GASK1A: variants seen among roughly 807,000 people sequenced by gnomAD.
The protein encoded by GASK1A is Golgi-associated kinase 1A.
GASK1A carries 40 observed loss-of-function variants against 41.2 expected under a neutral mutation model. The observed-to-expected ratio is 0.97, with a 90% confidence interval of 0.75 to 1.27. GASK1A has a LOEUF of 1.27. Among genes scored for constraint, GASK1A ranks in the 50% most tolerant of loss-of-function variants. The pLI is 0.00. For missense variants in GASK1A, 678 were observed against 745.1 expected (o/e 0.91, Z 1.05); for synonymous variants, 316 against 307.1 (o/e 1.03, Z -0.30).
chr3:42,992,088 T>C (rs1010841873), intron 1 of GASK1A, among the ~76,000 whole-genome samples: 6 of 144,240 alleles, frequency 4.2e-5, no homozygotes, highest in Non-Finnish European at 9.0e-5. Flanking sequence ...CTAGTTAAAA[T>C]CCCCTCATCT....
chr3:43,004,636 T>C (rs1346593892), intron 1 of GASK1A, among the ~76,000 whole-genome samples: 1 of 152,182 alleles, frequency 6.6e-6, no homozygotes, highest in Non-Finnish European at 1.5e-5. Context: ...CTCCCCTCTA[T>C]GGAAGATGAG....
Position 43,053,736 on chromosome 3 carries a change from T to TCAGA in GASK1A, c.1413+93_1413+94insCAGA, listed in dbSNP as rs1325396988. The TCAGA allele has an allele frequency of 9.3e-6, 13 of 1,405,022 alleles. No homozygotes were observed. In the African/African-American group the frequency reaches 1.9e-4, roughly 20 times the overall value. 87.0% of individuals were successfully genotyped at this position (1,405,022 alleles called of 1,614,324 possible). ...CTGTTAACAAGTTTCAGAGATCAGT[T>TCAGA]GATGCTGGGGTTTCCCAGTCTTGTT... On this transcript the variant is annotated intron_variant, in intron 3 of 4. Coordinates refer to ENST00000430121, the MANE Select transcript of GASK1A (RefSeq NM_001129908.3).
At chr3:43,022,254 G>T (rs967069596) in intron 1 of GASK1A, among the ~76,000 whole-genome samples, 1 of 152,020 alleles carries the variant, frequency 6.6e-6, no homozygotes, top group South Asian at 2.1e-4. Flanking sequence ...TTTTCCCAAA[G>T]CTTTACTTGG....
At chr3:43,025,502 G>A (rs186002589) in intron 1 of GASK1A, among the ~76,000 whole-genome samples, 55 of 152,274 alleles carry the variant, frequency 3.6e-4, no homozygotes, top group African/African-American at 1.3e-3. Context: ...TTCACTCTTA[G>A]AAGTCTAACT....
Position 43,035,931 on chromosome 3 carries a change from G to A in GASK1A, c.1290+2378G>A, listed in dbSNP as rs138875246. On this transcript the variant is annotated intron_variant, in intron 2 of 4. Coordinates refer to ENST00000430121, the MANE Select transcript of GASK1A (RefSeq NM_001129908.3). ...GCAGCCTGGATGGTCTGACTCTAGA[G>A]CTCACTCTCTGAATCACAGTCATTC... Among the ~76,000 whole-genome samples, 420 of 152,324 alleles carry A rather than the reference G, an allele frequency of 2.8e-3. 4 individuals carry two copies. The highest frequency in any genetic ancestry group is 9.5e-3 in the African/African-American group (393 of 41,558).
chr3:43,001,182 G>A (rs2089406810), intron 1 of GASK1A, among the ~76,000 whole-genome samples: 1 of 152,206 alleles, frequency 6.6e-6, no homozygotes, highest in Non-Finnish European at 1.5e-5. Context: ...ACCCTGAGCA[G>A]GGCGCAGACA....
chr3:42,992,942 T>C lies in GASK1A; in HGVS notation c.3+13297T>C, dbSNP rs540576194. Among the ~76,000 whole-genome samples the C allele has an allele frequency of 3.1e-4, 47 of 152,368 alleles. No individual in the cohort carries two copies. The South Asian group carries it at 9.5e-3, about 31-fold the overall frequency. On this transcript the variant is annotated intron_variant, in intron 1 of 4. Transcript: ENST00000430121. ...CAGAAACAGTGAGATTGGTTACAGCTTGGCGTTTGCCTTATTTGAGCAGTT... is the reference window on the plus strand; with the variant it reads ...CAGAAACAGTGAGATTGGTTACAGCCTGGCGTTTGCCTTATTTGAGCAGTT...
intron 2 of GASK1A, among the ~76,000 whole-genome samples, chr3:43,053,043 C>T (rs950876247): frequency 6.6e-6 from 1 of 152,212 alleles, no homozygotes; most frequent in Non-Finnish European, 1.5e-5. Context: ...CTTTCCCTGG[C>T]TTGATTCAGG....
chr3:43,018,730 A>C (rs934538349), intron 1 of GASK1A, among the ~76,000 whole-genome samples: 2 of 152,246 alleles, frequency 1.3e-5, no homozygotes, highest in Non-Finnish European at 1.5e-5. Context: ...GTCCTGATAG[A>C]AAAAGGTTGC....
intron 2 of GASK1A, among the ~76,000 whole-genome samples, chr3:43,042,891 G>A (rs1242651348): frequency 6.6e-6 from 1 of 152,146 alleles, no homozygotes; most frequent in Non-Finnish European, 1.5e-5. Context: ...GAGCTTCCAG[G>A]GAAGATGCCA....
At chr3:43,000,312 T>G (rs927475395) in intron 1 of GASK1A, among the ~76,000 whole-genome samples, 1 of 152,250 alleles carries the variant, frequency 6.6e-6, no homozygotes, top group African/African-American at 2.4e-5. Context: ...AAGTAACTGC[T>G]GTGTTCTACC....
intron 2 of GASK1A, among the ~76,000 whole-genome samples, chr3:43,034,417 T>C (rs553909459): frequency 1.3e-5 from 2 of 152,320 alleles, no homozygotes; most frequent in Admixed American, 1.3e-4. Context: ...TTTACTAACT[T>C]GTCTGTTAAC....
intron 2 of GASK1A, among the ~76,000 whole-genome samples, chr3:43,052,239 A>G (rs185663341): frequency 2.0e-5 from 3 of 152,226 alleles, no homozygotes; most frequent in African/African-American, 7.2e-5. Context: ...CTTGCCCCAC[A>G]CCAAACCTGA....
intron 2 of GASK1A, among the ~76,000 whole-genome samples, chr3:43,046,692 G>A (rs1245119205): frequency 6.6e-6 from 1 of 152,172 alleles, no homozygotes; most frequent in Non-Finnish European, 1.5e-5. Flanking sequence ...ATGTTTCCAG[G>A]GCATGTCAGA....
intron 1 of GASK1A, among the ~76,000 whole-genome samples, chr3:43,009,100 G>A (rs1012884002): frequency 1.1e-4 from 16 of 152,104 alleles, no homozygotes; most frequent in African/African-American, 3.4e-4. Flanking sequence ...TTTGAGGGAG[G>A]AACCATTTTC....
intron 3 of GASK1A, chr3:43,053,962 T>C: frequency 2.4e-6 from 1 of 412,990 alleles, no homozygotes. Flanking sequence ...ATGGTGTGTC[T>C]AGTCAACATC....
intron 1 of GASK1A, among the ~76,000 whole-genome samples, chr3:43,011,184 T>C (rs905491236): frequency 3.3e-5 from 5 of 151,964 alleles, no homozygotes; most frequent in East Asian, 3.9e-4. Flanking sequence ...GAGATCAAGA[T>C]CATCCTGGCC....
chr3:43,002,661 C>T (rs1437197274), intron 1 of GASK1A, among the ~76,000 whole-genome samples: 1 of 152,066 alleles, frequency 6.6e-6, no homozygotes, highest in Non-Finnish European at 1.5e-5. Flanking sequence ...ACTAAAATAT[C>T]TCATTAATAG....
chr3:42,985,280 G>A (rs901853007), intron 1 of GASK1A, among the ~76,000 whole-genome samples: 1 of 152,164 alleles, frequency 6.6e-6, no homozygotes, highest in Non-Finnish European at 1.5e-5. Flanking sequence ...GTCTCCATGG[G>A]CAGGGACTGA....
Sources: gnomAD v4.1 joint callset for allele counts (sites outside exome capture counted in the v4.1 genomes callset) on GRCh38, gnomAD v4.1.1 for gene constraint, MANE v1.5 for transcripts, NCBI Gene and HGNC (gene_info 2026-07-23, HGNC 2026-07-21) for gene names.